The following SLCO1B1 variants were observed in gnomAD, a reference collection of about 807,000 sequenced individuals.
SLCO1B1 encodes OATP-2.
In SLCO1B1, 81 loss-of-function variants were observed where a neutral mutation model predicts 70.1. The ratio of observed to expected loss-of-function variants is 1.16; its 90% CI spans 0.97 to 1.39. SLCO1B1 has a LOEUF of 1.39. SLCO1B1 is among the 40% of genes most tolerant of loss of function. The pLI is 0.00. For synonymous variants in SLCO1B1, 283 were observed against 271.5 expected (o/e 1.04, Z -0.42); for missense variants, 895 against 799.6 (o/e 1.12, Z -1.44).
At chr12:21,134,037 C>G (rs1940179187) in intron 1 of SLCO1B1, among the ~76,000 whole-genome samples, 1 of 152,130 alleles carries the variant, frequency 6.6e-6, no homozygotes, top group Non-Finnish European at 1.5e-5. Flanking sequence ...GAGTTTTTAG[C>G]ATGAAGGGTT....
At chr12:21,156,292 T>C (rs1243696513) in intron 2 of SLCO1B1, among the ~76,000 whole-genome samples, 1 of 152,058 alleles carries the variant, frequency 6.6e-6, no homozygotes, top group Non-Finnish European at 1.5e-5. Context: ...AAATATTATA[T>C]TAAAATAATG....
At chr12:21,227,463 G>A (rs569629131) in intron 14 of SLCO1B1, among the ~76,000 whole-genome samples, 5 of 152,162 alleles carry the variant, frequency 3.3e-5, no homozygotes, top group Non-Finnish European at 2.9e-5. Flanking sequence ...TCCATTTAAT[G>A]TGTAAATTCA....
At chr12:21,217,935 A>G (rs1409681570) in intron 12 of SLCO1B1, among the ~76,000 whole-genome samples, 1 of 152,140 alleles carries the variant, frequency 6.6e-6, no homozygotes, top group Non-Finnish European at 1.5e-5. Flanking sequence ...GAGATAAATA[A>G]TCTTAAAATC....
chr12:21,141,917 G>A (rs994452222), intron 2 of SLCO1B1, among the ~76,000 whole-genome samples: 2 of 151,414 alleles, frequency 1.3e-5, no homozygotes, highest in African/African-American at 4.8e-5. Flanking sequence ...GCTTCTCTTT[G>A]GTTTTGGATT....
Position 21,239,533 on chromosome 12 carries a change from T to C in SLCO1B1, c.*344T>C, listed in dbSNP as rs1310706101. ...CAAATGAGTATCATACAGGTAGAGG[T>C]TAAAAAGGAGGAGCTAGATTCATAT... On this transcript the variant is annotated 3_prime_UTR_variant, in exon 15 of 15. Transcript: ENST00000256958. 2.6e-5 allele frequency among the ~76,000 whole-genome samples: 4 copies of C among 152,002 alleles called. No homozygotes were observed. The highest frequency in any genetic ancestry group is 4.4e-5 in the Non-Finnish European group (3 of 67,970).
At chr12:21,170,565 T>C (rs895962297) in intron 2 of SLCO1B1, among the ~76,000 whole-genome samples, 1 of 152,222 alleles carries the variant, frequency 6.6e-6, no homozygotes, top group Non-Finnish European at 1.5e-5. Context: ...TTTTACAAGA[T>C]GTTAGAATTG....
Position 21,202,566 on chromosome 12 carries a change from C to T in SLCO1B1, c.1211C>T (p.Thr404Ile), listed in dbSNP as rs767328286. The T allele has an allele frequency of 1.9e-6, 3 of 1,612,160 alleles. No homozygotes were observed. The highest frequency in any genetic ancestry group is 2.2e-5 in the East Asian group (1 of 44,740). Residue 404 changes from threonine to isoleucine, a missense_variant, in exon 10 of 15, where the codon ACC becomes ATC. Thr to Ile is a moderately conservative substitution (Grantham distance 89). Coordinates refer to ENST00000256958, the MANE Select transcript of SLCO1B1 (RefSeq NM_006446.5). ...GYIIKKFKLN[T>I]VGIAKFSCFT... ...ATCATTAAAAAATTCAAACTGAACA[C>T]CGTTGGAATTGCCAAATTCTCATGT...
At chr12:21,180,934 T>C (rs1940887979) in intron 7 of SLCO1B1, among the ~76,000 whole-genome samples, 8 of 152,234 alleles carry the variant, frequency 5.3e-5, no homozygotes, top group Admixed American at 4.6e-4. Context: ...ATATCTTCTC[T>C]TATTCAGTGA....
Position 21,209,570 on chromosome 12 carries a change from A to G in SLCO1B1, c.1497+3537A>G, listed in dbSNP as rs1591821372. ...ATGATTTACAGTCATTTGGGTATAT[A>G]CCCAGTAATGGGATGGCTGGGTCAA... is the stretch of plus-strand genomic sequence containing the variant. On this transcript the variant is annotated intron_variant, in intron 11 of 14. Transcript: ENST00000256958. 3.9e-5 allele frequency among the ~76,000 whole-genome samples: 6 copies of G among 152,250 alleles called. No individual in the cohort carries two copies. The South Asian group carries it at 1.2e-3, about 32-fold the overall frequency.
chr12:21,178,070 A>T (rs1940842898), intron 5 of SLCO1B1, among the ~76,000 whole-genome samples: 1 of 152,140 alleles, frequency 6.6e-6, no homozygotes, highest in Admixed American at 6.6e-5. Flanking sequence ...TTTCTGTATG[A>T]TATGGCTTGA....
chr12:21,212,025 C>T lies in SLCO1B1; in HGVS notation c.1498-5094C>T, dbSNP rs866808256. Among the ~76,000 whole-genome samples the T allele has an allele frequency of 2.4e-3, 360 of 148,836 alleles. 3 individuals are homozygous for T. Among genetic ancestry groups the T allele is most frequent in the Middle Eastern group, 0.01 (3 of 292 alleles). On this transcript the variant is annotated intron_variant, in intron 11 of 14. Coordinates refer to ENST00000256958, the MANE Select transcript of SLCO1B1 (RefSeq NM_006446.5). ...TTCAAAAAACCAGCTCCTGGATTCA[C>T]TAATTTTTTGAAGGTTTTTTTTTGT... is the stretch of plus-strand genomic sequence containing the variant.
intron 14 of SLCO1B1, among the ~76,000 whole-genome samples, chr12:21,226,596 T>C (rs1941484636): frequency 6.6e-6 from 1 of 152,000 alleles, no homozygotes; most frequent in Admixed American, 6.6e-5. Flanking sequence ...TTAAGGGTGG[T>C]GAAATGATTT....
chr12:21,167,568 G>A (rs548201807), intron 2 of SLCO1B1, among the ~76,000 whole-genome samples: 131 of 152,104 alleles, frequency 8.6e-4, no homozygotes, highest in Middle Eastern at 6.8e-3. Flanking sequence ...ATAATGCATC[G>A]TTTTGTCATG....
chr12:21,197,872 G>A (rs1941112487), intron 8 of SLCO1B1, among the ~76,000 whole-genome samples: 1 of 152,122 alleles, frequency 6.6e-6, no homozygotes, highest in Non-Finnish European at 1.5e-5. Flanking sequence ...GCATTTGACA[G>A]TGCCTCCTCT....
intron 2 of SLCO1B1, among the ~76,000 whole-genome samples, chr12:21,167,902 C>T (rs1481835367): frequency 8.6e-5 from 13 of 150,690 alleles, no homozygotes; most frequent in African/African-American, 2.2e-4. Context: ...CTGCAACCGC[C>T]GCCTCCTGGG....
intron 1 of SLCO1B1, among the ~76,000 whole-genome samples, chr12:21,134,323 G>C (rs933748447): frequency 6.6e-6 from 1 of 152,066 alleles, no homozygotes; most frequent in East Asian, 1.9e-4. Context: ...GCCAGGCTTT[G>C]GTATCAGGAT....
chr12:21,155,169 C>T (rs1373814741), intron 2 of SLCO1B1, among the ~76,000 whole-genome samples: 1 of 150,908 alleles, frequency 6.6e-6, no homozygotes, highest in African/African-American at 2.4e-5. Flanking sequence ...AATATTTCTC[C>T]TCTTCAACTT....
intron 2 of SLCO1B1, among the ~76,000 whole-genome samples, chr12:21,162,453 T>C (rs1451102355): frequency 6.6e-6 from 1 of 152,178 alleles, no homozygotes; most frequent in East Asian, 1.9e-4. Flanking sequence ...TTCCACATGA[T>C]ACATTTGTTG....
intron 10 of SLCO1B1, 138 bp from the exon 11 acceptor site, chr12:21,205,730 C>G: frequency 1.6e-6 from 1 of 627,304 alleles, no homozygotes; most frequent in Non-Finnish European, 2.6e-6. Context: ...AAGCAAATTT[C>G]TTCATATAAA....
Sources: allele counts gnomAD v4.1 joint callset (sites outside exome capture counted in the v4.1 genomes callset), GRCh38; gene constraint gnomAD v4.1.1; transcripts MANE v1.5; gene names NCBI Gene and HGNC (gene_info 2026-07-23, HGNC 2026-07-21).